Variants in RGS6 observed in about 807,000 individuals in gnomAD.
The protein encoded by RGS6 is regulator of G-protein signaling 6.
RGS6 carries 30 observed loss-of-function variants against 78.5 expected under a neutral mutation model. The observed-to-expected ratio is 0.38, with a 90% CI of 0.29 to 0.52. The LOEUF (loss-of-function observed/expected upper bound fraction) is 0.52. Ranked by LOEUF, RGS6 falls within the 20% of genes least tolerant of loss-of-function variation. RGS6 has a pLI of 0.85. For missense variants in RGS6, 495 were observed against 609.7 expected, an observed-to-expected ratio of 0.81 and a Z score of 1.98; for synonymous variants, 206 against 206.0, an observed-to-expected ratio of 1.00 and a Z score of 0.00.
At chr14:72,613,748 G>A in the RGS6 span, among the ~76,000 whole-genome samples, 12 of 152,256 alleles carry the variant, frequency 7.9e-5, no homozygotes, top group African/African-American at 2.2e-4. Context: ...TGGCAAGCCC[G>A]GACCCCTCCT....
At chr14:71,928,506 A>G (rs23219), upstream of RGS6, among the ~76,000 whole-genome samples, 1 of 152,080 alleles carries the variant, frequency 6.6e-6, no homozygotes, top group Non-Finnish European at 1.5e-5. Context: ...AAAGCCACCA[A>G]TATCAATACA....
At chr14:72,168,752 C>T (rs2096965972) in intron 2 of RGS6, among the ~76,000 whole-genome samples, 1 of 152,204 alleles carries the variant, frequency 6.6e-6, no homozygotes, top group African/African-American at 2.4e-5. Context: ...AGAAGTACGG[C>T]TCTGCTAGGA....
In RGS6 at chr14:72,550,921, C is replaced by T. The variant is rs1449065857; in HGVS notation, c.1422+10827C>T. Among the ~76,000 whole-genome samples, 3 of 152,044 alleles carry T rather than the reference C, an allele frequency of 2.0e-5. No individual in the cohort carries two copies. The East Asian group carries it at 5.8e-4, about 29-fold the overall frequency. On this transcript the variant is annotated intron_variant, in intron 17 of 17. Coordinates refer to ENST00000553525, the MANE Select transcript of RGS6 (RefSeq NM_001204424.2). ...GTGGCGCAATCTCAGCTCACTGCAA[C>T]CTCCACCTCCCAGGTTTAAGCGATT... is the stretch of plus-strand genomic sequence containing the variant.
At chr14:71,918,574 CAG>C in the RGS6 span, among the ~76,000 whole-genome samples, 6 of 152,282 alleles carry the variant, frequency 3.9e-5, no homozygotes, top group Admixed American at 1.3e-4. Flanking sequence ...GAGATGCAAA[CAG>C]AGATGTAGTT....
At chr14:72,236,443 G>A (rs1199390983) in intron 2 of RGS6, among the ~76,000 whole-genome samples, 5 of 152,170 alleles carry the variant, frequency 3.3e-5, no homozygotes, top group Admixed American at 3.3e-4. Flanking sequence ...CACATTTTAA[G>A]CTTTCCATTC....
intron 3 of RGS6, among the ~76,000 whole-genome samples, chr14:72,417,657 T>C (rs1266676307): frequency 1.3e-5 from 2 of 152,198 alleles, no homozygotes; most frequent in African/African-American, 4.8e-5. Context: ...TTGGGCTCAT[T>C]ATTTAGCAAG....
At chr14:72,219,463 C>T (rs2046359933) in intron 2 of RGS6, among the ~76,000 whole-genome samples, 1 of 152,052 alleles carries the variant, frequency 6.6e-6, no homozygotes, top group Admixed American at 6.6e-5. Flanking sequence ...TCCTCGTTGC[C>T]AACTAACTAG....
chr14:71,990,310 C>G (rs2094900311), intron 2 of RGS6, among the ~76,000 whole-genome samples: 1 of 152,192 alleles, frequency 6.6e-6, no homozygotes, highest in African/African-American at 2.4e-5. Flanking sequence ...CAAACCATAG[C>G]AAGCCCCAAT....
chr14:72,454,724 A>C, intron 4 of RGS6, 146 bp downstream of exon 4: 2 of 607,874 alleles, frequency 3.3e-6, no homozygotes, highest in South Asian at 2.5e-5. Context: ...TTTACAAATA[A>C]AATTAATTTA....
the RGS6 span, among the ~76,000 whole-genome samples, chr14:72,573,195 A>G: frequency 6.6e-6 from 1 of 152,310 alleles, no homozygotes; most frequent in Middle Eastern, 3.4e-3. Context: ...AAGGAATTTA[A>G]TTAGGTAGAT....
At chr14:72,173,685 T>G (rs535637974) in intron 2 of RGS6, among the ~76,000 whole-genome samples, 121 of 152,288 alleles carry the variant, frequency 7.9e-4, no homozygotes, top group African/African-American at 2.7e-3. Context: ...GGCTGTCTTG[T>G]GAATTCTATT....
In RGS6 at chr14:72,172,913, G is replaced by A. The variant is rs369949981; in HGVS notation, c.85-179182G>A. ...GACATTTCAGCAGAGGACTGCACGA[G>A]CTCTCCCAGGCTTTTCTTGCTCTAA... On this transcript the variant is annotated intron_variant, in intron 2 of 17. Coordinates refer to ENST00000553525, the MANE Select transcript of RGS6 (RefSeq NM_001204424.2). Among the ~76,000 whole-genome samples, 93 of 152,312 alleles carry A rather than the reference G, an allele frequency of 6.1e-4. 1 individual carries two copies. The South Asian group carries it at 0.019, about 31-fold the overall frequency.
At chr14:72,006,819 A>G (rs2084660804) in intron 2 of RGS6, among the ~76,000 whole-genome samples, 1 of 152,230 alleles carries the variant, frequency 6.6e-6, no homozygotes, top group Non-Finnish European at 1.5e-5. Context: ...ATGTAACAAG[A>G]AACTAAAATG....
intron 2 of RGS6, among the ~76,000 whole-genome samples, chr14:72,055,147 A>G (rs1262596645): frequency 6.6e-6 from 1 of 152,184 alleles, no homozygotes; most frequent in Non-Finnish European, 1.5e-5. Context: ...GCTTAGAGGA[A>G]GTACAGCAAC....
At chr14:72,512,640 G>A (rs534743677) in intron 14 of RGS6, among the ~76,000 whole-genome samples, 2 of 152,364 alleles carry the variant, frequency 1.3e-5, no homozygotes, top group East Asian at 3.9e-4. Flanking sequence ...ATAGCAGGGA[G>A]GAAAAGGATA....
At chr14:72,126,370 CTG>C (rs973697997) in intron 2 of RGS6, among the ~76,000 whole-genome samples, 2 of 152,184 alleles carry the variant, frequency 1.3e-5, no homozygotes, top group African/African-American at 4.8e-5. Flanking sequence ...CTTGTGTAGA[CTG>C]CAGCTCTGCA....
intron 2 of RGS6, among the ~76,000 whole-genome samples, chr14:72,127,955 A>C (rs1283443983): frequency 2.0e-5 from 3 of 151,972 alleles, no homozygotes; most frequent in African/African-American, 4.8e-5. Context: ...TTCCCTCAGC[A>C]TAATTGCCCA....
intron 2 of RGS6, among the ~76,000 whole-genome samples, chr14:72,262,378 C>G (rs2058319564): frequency 6.6e-6 from 1 of 152,220 alleles, no homozygotes; most frequent in Non-Finnish European, 1.5e-5. Flanking sequence ...ATCCCACCTT[C>G]TCACTGTGTC....
intron 3 of RGS6, among the ~76,000 whole-genome samples, chr14:72,405,797 C>T (rs1464534805): frequency 2.0e-5 from 3 of 152,144 alleles, no homozygotes; most frequent in Non-Finnish European, 4.4e-5. Flanking sequence ...CAGGGGCCTT[C>T]TTTGGTGATG....
Sources: gnomAD v4.1 joint callset for allele counts (sites outside exome capture counted in the v4.1 genomes callset) on GRCh38, gnomAD v4.1.1 for gene constraint, MANE v1.5 for transcripts, NCBI Gene and HGNC (gene_info 2026-07-23, HGNC 2026-07-21) for gene names.